The following PRRT4 variants were observed in gnomAD, a reference collection of about 807,000 sequenced individuals.
PRRT4 encodes the protein proline-rich transmembrane protein 4.
Under a neutral mutation model 55.6 loss-of-function variants are expected in PRRT4, and 59 were observed. The observed-to-expected ratio is 1.06, with a 90% CI of 0.86 to 1.32. The LOEUF (loss-of-function observed/expected upper bound fraction) is 1.32, where lower values mean the gene tolerates loss of function less well. Ranked by LOEUF, PRRT4 falls within the 40% of genes most tolerant of loss-of-function variation. The pLI, the probability that PRRT4 is intolerant of heterozygous loss-of-function variation, is 0.00. For synonymous variants in PRRT4, 606 were observed against 601.8 expected (o/e 1.01, Z -0.10); for missense variants, 1,217 against 1,222.0 (o/e 1.00, Z 0.06).
At chr7:128,353,218 G>A (rs779437797) in intron 4 of PRRT4, among the ~76,000 whole-genome samples, 8 of 152,236 alleles carry the variant, frequency 5.3e-5, no homozygotes, top group Non-Finnish European at 1.2e-4. Flanking sequence ...AAAGTGACCT[G>A]CCCAAGGTCA....
At chr7:128,356,445 G>A (rs1268440495) in intron 4 of PRRT4, among the ~76,000 whole-genome samples, 1 of 152,196 alleles carries the variant, frequency 6.6e-6, no homozygotes, top group East Asian at 1.9e-4. Context: ...CCTGGCTTCT[G>A]CCTTTGTAGG....
At position 128,352,027 on chromosome 7, in the gene PRRT4, GA is replaced by G. The variant is rs1796992678; in HGVS notation, c.1528del (p.Ser510ProfsTer61). ...GCAGGAGAGCGCCAGCAGCAGCCCG[GA>G]AAGGAAAGCGGCGAGAAAGGCGTGC... is the stretch of plus-strand genomic sequence containing the variant. On this transcript the variant is annotated frameshift_variant, in exon 5 of 5. Transcript: ENST00000535159. LOFTEE classifies it high-confidence loss of function. 4 of 1,306,736 alleles carry G rather than the reference GA, an allele frequency of 3.1e-6. No individual in the cohort carries two copies. The highest frequency in any genetic ancestry group is 1.6e-5 in the African/African-American group (1 of 64,440). 80.9% of individuals were successfully genotyped at this position (1,306,736 alleles called of 1,614,324 possible). A position where few individuals can be genotyped will look rare whatever the true frequency, so the allele number is the denominator to read the frequency against.
intron 1 of PRRT4, 33 bp from the exon 2 acceptor site, chr7:128,361,455 G>T: frequency 6.5e-6 from 1 of 152,904 alleles, no homozygotes; most frequent in South Asian, 1.9e-4. Context: ...TGAAGATCCG[G>T]ACCTCCAGCC....
At chr7:128,351,489 G>A in exon 5 of PRRT4, 1 of 1,518,764 alleles carries the variant, frequency 6.6e-7, no homozygotes, top group Non-Finnish European at 8.8e-7. Flanking sequence ...CTCCGCCCTG[G>A]AGTAGGAGGT....
At chr7:128,357,427 T>C (rs1797138655) in intron 4 of PRRT4, among the ~76,000 whole-genome samples, 1 of 152,100 alleles carries the variant, frequency 6.6e-6, no homozygotes, top group Non-Finnish European at 1.5e-5. Context: ...CTGCCTCTGA[T>C]ACTGTCCAGA....
At chr7:128,360,382 TC>T (rs1797219459) in intron 1 of PRRT4, among the ~76,000 whole-genome samples, 2 of 152,250 alleles carry the variant, frequency 1.3e-5, no homozygotes, top group South Asian at 4.1e-4. Context: ...ATTCCTCTCT[TC>T]CTTCCCTCTG....
intron 4 of PRRT4, among the ~76,000 whole-genome samples, chr7:128,355,079 C>T (rs992454286): frequency 2.0e-4 from 31 of 152,240 alleles, no homozygotes; most frequent in African/African-American, 7.5e-4. Flanking sequence ...GGTCTGTTTT[C>T]AAAGCCTTTC....
At position 128,351,347 on chromosome 7, in the gene PRRT4, A is replaced by C; in HGVS notation, c.2209T>G (p.Cys737Gly). Reference sequence around the variant, plus strand: ...CCAGGCGCAAGCAGGGCCTCGCTGCAGAGGGCCTCCTCGATGCTGCGTCGC... The same window carrying C: ...CCAGGCGCAAGCAGGGCCTCGCTGCCGAGGGCCTCCTCGATGCTGCGTCGC... Residue 737 changes from cysteine (C) to glycine (G), a missense_variant, in exon 5 of 5, where the codon TGC becomes GGC. Around this residue, in one of 3 missense-constraint regions of PRRT4, gnomAD observed 642 missense variants for 600.9 expected, o/e 1.07. Coordinates refer to ENST00000535159, the Ensembl canonical transcript of PRRT4. The C allele has an allele frequency of 1.3e-6, 2 of 1,547,214 alleles. No individual in the cohort carries two copies. The highest frequency in any genetic ancestry group is 8.7e-7 in the Non-Finnish European group (1 of 1,146,560).
chr7:128,355,126 CAA>C (rs761716494), intron 4 of PRRT4, among the ~76,000 whole-genome samples: 18 of 152,178 alleles, frequency 1.2e-4, no homozygotes, highest in Non-Finnish European at 2.5e-4. Flanking sequence ...AACGATTAGT[CAA>C]AGAGTGAACA....
rs1172990869 is a variant in PRRT4 at position 128,352,397 on chromosome 7, G to T, written c.1159C>A (p.Leu387Ile). 7.2e-6 allele frequency: 11 copies of T among 1,524,540 alleles called. No homozygotes were observed. Among genetic ancestry groups the T allele is most frequent in the Non-Finnish European group, 9.7e-6 (11 of 1,136,466 alleles). 94.4% of individuals were successfully genotyped at this position (1,524,540 alleles called of 1,614,324 possible). Residue 387 changes from leucine to isoleucine, a missense_variant, in exon 5 of 5, where the codon CTC becomes ATC. This residue lies in a region of PRRT4 where 564 missense variants were observed against 592.9 expected (regional missense o/e 0.95). Coordinates refer to ENST00000535159, the Ensembl canonical transcript of PRRT4. ...CCGGGCGGGCACCGCCAGGGCAAGAGGGCCAGAGCCAGCAGCGCCAGCAAG... is the reference window on the plus strand; with the variant it reads ...CCGGGCGGGCACCGCCAGGGCAAGATGGCCAGAGCCAGCAGCGCCAGCAAG...
At chr7:128,351,902 C>G in exon 5 of PRRT4, 1 of 1,323,352 alleles carries the variant, frequency 7.6e-7, no homozygotes, top group Non-Finnish European at 9.6e-7. Flanking sequence ...CGCCAGGACT[C>G]CCGAGGGGCG....
chr7:128,360,876 T>G (rs1797233700), intron 1 of PRRT4, among the ~76,000 whole-genome samples: 1 of 151,454 alleles, frequency 6.6e-6, no homozygotes, highest in African/African-American at 2.4e-5. Flanking sequence ...GAAGGGAGGG[T>G]GAGCCAGGGA....
chr7:128,352,476 C>G lies in PRRT4; in HGVS notation c.1080G>C (p.Gly360=), dbSNP rs530537093. 104 of 1,540,202 alleles carry G rather than the reference C, an allele frequency of 6.8e-5. No individual in the cohort carries two copies. In the Middle Eastern group the frequency reaches 1.0e-3, roughly 15 times the overall value. Residue 360 remains glycine (G), a synonymous_variant, in exon 5 of 5, where the codon GGG becomes GGC. Coordinates refer to ENST00000535159, the Ensembl canonical transcript of PRRT4. ...CGTACACGTGGGCCTCCCAGGCCAG[C>G]CCCCAGCGAGCCCTGGCCTCTGCCC...
exon 3 of PRRT4, chr7:128,359,193 T>G: frequency 6.4e-7 from 1 of 1,551,752 alleles, no homozygotes; most frequent in Non-Finnish European, 8.7e-7. Flanking sequence ...GGATGTAGTT[T>G]CACCTGGGGG....
At chr7:128,352,355 G>A (rs1214709295) in exon 5 of PRRT4, 1 of 1,526,854 alleles carries the variant, frequency 6.5e-7, no homozygotes, top group East Asian at 2.5e-5. Context: ...AGGTCCAGCA[G>A]CGCCAGGCAG....
At chr7:128,355,404 G>T (rs1423557529) in intron 4 of PRRT4, among the ~76,000 whole-genome samples, 2 of 152,064 alleles carry the variant, frequency 1.3e-5, no homozygotes, top group South Asian at 2.1e-4. Context: ...CACCATATTG[G>T]CCAGGCTGGT....
chr7:128,351,451 G>A (rs747205837), exon 5 of PRRT4: 1 of 1,522,778 alleles, frequency 6.6e-7, no homozygotes, highest in South Asian at 1.2e-5. Flanking sequence ...GGCCGGGTTG[G>A]CCGCCGCGCC....
chr7:128,361,669 G>A (rs886124650), exon 1 of PRRT4: 2 of 152,430 alleles, frequency 1.3e-5, no homozygotes, highest in South Asian at 1.9e-4. Context: ...GCCCGCGCCG[G>A]GGCTCCGCGG....
At chr7:128,359,923 G>A in exon 2 of PRRT4, 1 of 1,455,526 alleles carries the variant, frequency 6.9e-7, no homozygotes, top group South Asian at 1.5e-5. Flanking sequence ...GGGTGGGCTG[G>A]GGGCCCACAG....
Sources: gnomAD v4.1 joint callset for allele counts (sites outside exome capture counted in the v4.1 genomes callset) on GRCh38, gnomAD v4.1.1 for gene constraint, gnomAD v4.1.1 regional missense constraint, MANE v1.5 for transcripts, NCBI Gene and HGNC (gene_info 2026-07-23, HGNC 2026-07-21) for gene names.